Variants in PLCZ1 observed in about 807,000 individuals in gnomAD.
PLCZ1 encodes phospholipase C zeta 1, also known as 1-phosphatidylinositol 4,5-bisphosphate phosphodiesterase zeta-1.
Under a neutral mutation model 76.8 loss-of-function variants are expected in PLCZ1, and 64 were observed. The observed-to-expected ratio is 0.83, with a 90% CI of 0.68 to 1.03. The LOEUF is 1.03. Among genes scored for constraint, PLCZ1 ranks in the 50% least tolerant of loss-of-function variants. The probability of loss-of-function intolerance (pLI) is 0.00; values close to 1 mark genes in which losing one functional copy is unlikely to be tolerated. For synonymous variants in PLCZ1, 248 were observed against 230.8 expected, an observed-to-expected ratio of 1.07 and a Z score of -0.68; for missense variants, 751 against 713.7, an observed-to-expected ratio of 1.05 and a Z score of -0.60.
At chr12:18,647,880 T>C in the PLCZ1 span, 4 of 1,539,780 alleles carry the variant, frequency 2.6e-6, no homozygotes, top group South Asian at 1.3e-5. Context: ...TTTTAGGTAG[T>C]ATATGATGAA....
chr12:18,704,443 A>G (rs569203819), intron 7 of PLCZ1, among the ~76,000 whole-genome samples: 3 of 152,252 alleles, frequency 2.0e-5, no homozygotes, highest in South Asian at 4.1e-4. Context: ...CTCCTGCCTC[A>G]GTCTCCCTAG....
chr12:18,709,058 C>G (rs879754617), intron 6 of PLCZ1, among the ~76,000 whole-genome samples: 1 of 152,050 alleles, frequency 6.6e-6, no homozygotes, highest in Non-Finnish European at 1.5e-5. Context: ...GTGATCTGAG[C>G]TTTTGATGTA....
chr12:18,733,415 T>C (rs927163273), intron 3 of PLCZ1, among the ~76,000 whole-genome samples: 1 of 152,208 alleles, frequency 6.6e-6, no homozygotes, highest in African/African-American at 2.4e-5. Context: ...ACATTTTTGT[T>C]GATTGTTTCC....
the PLCZ1 span, among the ~76,000 whole-genome samples, chr12:18,647,185 A>G: frequency 3.3e-5 from 5 of 152,290 alleles, no homozygotes; most frequent in East Asian, 7.7e-4. Context: ...ATGCCTGCAT[A>G]TGCACAAGAA....
the PLCZ1 span, among the ~76,000 whole-genome samples, chr12:18,656,117 A>G: frequency 4.6e-5 from 7 of 152,178 alleles, no homozygotes; most frequent in African/African-American, 1.7e-4. Flanking sequence ...GGAAGTCTAA[A>G]GTTCCATTCT....
At chr12:18,670,294 G>T in the PLCZ1 span, among the ~76,000 whole-genome samples, 1 of 150,220 alleles carries the variant, frequency 6.7e-6, no homozygotes, top group African/African-American at 2.4e-5. Context: ...ACACATATGC[G>T]CACACACACA....
intron 6 of PLCZ1, among the ~76,000 whole-genome samples, chr12:18,708,939 T>A (rs1217666778): frequency 6.7e-6 from 1 of 149,992 alleles, no homozygotes; most frequent in Non-Finnish European, 1.5e-5. Context: ...TTTGCAAATA[T>A]TTTTTCCCCA....
intron 5 of PLCZ1, among the ~76,000 whole-genome samples, chr12:18,716,862 T>C (rs1958046989): frequency 6.6e-6 from 1 of 152,232 alleles, no homozygotes; most frequent in Non-Finnish European, 1.5e-5. Context: ...AATTTAAGAA[T>C]CTTTTGGTAC....
intron 3 of PLCZ1, among the ~76,000 whole-genome samples, chr12:18,733,389 T>C (rs941752801): frequency 6.6e-5 from 10 of 152,220 alleles, no homozygotes; most frequent in African/African-American, 2.4e-4. Flanking sequence ...TTTCTTTTAT[T>C]CTGTAAATTG....
chr12:18,697,720 G>A (rs1274136497), intron 10 of PLCZ1, among the ~76,000 whole-genome samples: 1 of 151,978 alleles, frequency 6.6e-6, no homozygotes, highest in Non-Finnish European at 1.5e-5. Context: ...GATAATGTTT[G>A]TTCCCTTTCA....
intron 3 of PLCZ1, among the ~76,000 whole-genome samples, chr12:18,725,590 T>C (rs563578344): frequency 1.3e-5 from 2 of 152,250 alleles, no homozygotes; most frequent in African/African-American, 4.8e-5. Flanking sequence ...GTTCTCACTG[T>C]ACCTCCTTTG....
intron 5 of PLCZ1, among the ~76,000 whole-genome samples, chr12:18,715,443 C>A (rs946772464): frequency 6.6e-6 from 1 of 151,278 alleles, no homozygotes; most frequent in Non-Finnish European, 1.5e-5. Flanking sequence ...GCTCTGTCGC[C>A]CAGACTGGGG....
rs144902254 is a variant in PLCZ1, at chr12:18,712,885, A to G, written c.671T>C (p.Leu224Pro). 524 of 1,613,998 alleles carry G rather than the reference A, an allele frequency of 3.2e-4. 1 individual carries two copies. The Middle Eastern group carries it at 4.3e-3, about 13-fold the overall frequency. Residue 224 changes from leucine (L) to proline (P), a missense_variant, in exon 6 of 15, where the codon CTG becomes CCG. Coordinates refer to ENST00000266505, the MANE Select transcript of PLCZ1 (RefSeq NM_033123.4). ...YHGYTLTSKL[L>P]FKTVIQAIHK... The stretch of plus-strand genomic sequence containing the variant: ...TATAGCTTGGATAACAGTTTTAAAC[A>G]GAAGTTTGCTTGTGAGTGTGTAGCC...
chr12:18,679,575 A>T (rs1256564664), downstream of PLCZ1, among the ~76,000 whole-genome samples: 1 of 151,972 alleles, frequency 6.6e-6, no homozygotes, highest in Non-Finnish European at 1.5e-5. Flanking sequence ...ATGCCTGTAA[A>T]CATTGCCTCA....
At chr12:18,664,416 A>G in the PLCZ1 span, among the ~76,000 whole-genome samples, 1 of 152,214 alleles carries the variant, frequency 6.6e-6, no homozygotes, top group East Asian at 1.9e-4. Context: ...GTTTATACAT[A>G]CTGTGGAATA....
chr12:18,717,329 C>T (rs141337273), intron 5 of PLCZ1, among the ~76,000 whole-genome samples: 13 of 151,990 alleles, frequency 8.6e-5, no homozygotes, highest in African/African-American at 2.9e-4. Flanking sequence ...TAAATGAATA[C>T]ATTTCAAAAT....
intron 5 of PLCZ1, among the ~76,000 whole-genome samples, chr12:18,716,051 A>G (rs1957950085): frequency 6.6e-6 from 1 of 152,052 alleles, no homozygotes; most frequent in African/African-American, 2.4e-5. Flanking sequence ...TGGCTTACGG[A>G]TTTATTTATG....
the PLCZ1 span, among the ~76,000 whole-genome samples, chr12:18,664,276 A>G: frequency 2.0e-5 from 3 of 152,228 alleles, no homozygotes; most frequent in South Asian, 2.1e-4. Context: ...TTCTGAATAT[A>G]TACCAAAAAA....
At chr12:18,720,605 C>T (rs1958383030) in intron 4 of PLCZ1, among the ~76,000 whole-genome samples, 1 of 151,796 alleles carries the variant, frequency 6.6e-6, no homozygotes, top group Admixed American at 6.6e-5. Context: ...CTTATATATT[C>T]ACTCTAAAAT....
Sources: gnomAD v4.1 joint callset for allele counts (sites outside exome capture counted in the v4.1 genomes callset) on GRCh38, gnomAD v4.1.1 for gene constraint, MANE v1.5 for transcripts, NCBI Gene and HGNC (gene_info 2026-07-23, HGNC 2026-07-21) for gene names.